ZC3H14: variants seen among roughly 807,000 people sequenced by gnomAD.
The protein encoded by ZC3H14 is zinc finger CCCH domain-containing protein 14.
ZC3H14 carries 31 observed loss-of-function variants against 92.4 expected under a neutral mutation model. That is an observed-to-expected ratio of 0.34 (90% CI 0.25 to 0.45). The LOEUF (loss-of-function observed/expected upper bound fraction) is 0.45, where lower values mean the gene tolerates loss of function less well. Among genes scored for constraint, ZC3H14 ranks in the 20% least tolerant of loss-of-function variants. The pLI is 1.00. For synonymous variants in ZC3H14, 321 were observed against 300.9 expected (o/e 1.07, Z -0.69); for missense variants, 781 against 897.3 (o/e 0.87, Z 1.66).
intron 3 of ZC3H14, among the ~76,000 whole-genome samples, chr14:88,569,726 C>T (rs1176014994): frequency 2.0e-5 from 3 of 152,200 alleles, no homozygotes; most frequent in Non-Finnish European, 4.4e-5. Context: ...TAAGTTCTTG[C>T]CTTTATACCA....
Position 88,620,763 on chromosome 14 carries a change from T to C in ZC3H14, c.*9012T>C. 6.3e-7 allele frequency: 1 copy of C among 1,590,590 alleles called. No individual in the cohort carries two copies. The highest frequency in any genetic ancestry group is 8.5e-7 in the Non-Finnish European group (1 of 1,172,488). On this transcript the variant is annotated 3_prime_UTR_variant, in exon 17 of 17. Transcript: ENST00000251038. This position sits in a 1 kb window ranked among gnomAD's most constrained non-coding sequence, Gnocchi z 4.3. ...CCATTTGTTCACTAACCTGATATCA[T>C]GGATTGCACATCTCCTGTCTCTCTT... is the stretch of plus-strand genomic sequence containing the variant.
At position 88,612,857 on chromosome 14, in the gene ZC3H14, C is replaced by G. The variant is rs1406716516; in HGVS notation, c.*1106C>G. 1.3e-5 allele frequency: 2 copies of G among 152,072 alleles called. No individual in the cohort carries two copies. The highest frequency in any genetic ancestry group is 2.9e-5 in the Non-Finnish European group (2 of 67,986). The allele number at this position is 152,072 out of a possible 1,614,324, so 9.4% of individuals were successfully genotyped here. Reference sequence around the variant, plus strand: ...AATGCTTTAGAGTTAAATAACAGATCACTGATTTCAAAGACTTGGTGTATA... The same window carrying G: ...AATGCTTTAGAGTTAAATAACAGATGACTGATTTCAAAGACTTGGTGTATA... On this transcript the variant is annotated 3_prime_UTR_variant, in exon 17 of 17. Coordinates refer to ENST00000251038, the MANE Select transcript of ZC3H14 (RefSeq NM_024824.5).
rs750889645 is a variant in ZC3H14 at position 88,616,808 on chromosome 14, A to G, written c.*5057A>G. On this transcript the variant is annotated 3_prime_UTR_variant, in exon 17 of 17. Coordinates refer to ENST00000251038, the MANE Select transcript of ZC3H14 (RefSeq NM_024824.5). ...AACAAGACTGATTCCTGAATGAGAT[A>G]CACAGGCACAGTTGACATCAGCTTT... 1 of 1,613,976 alleles carries G rather than the reference A, an allele frequency of 6.2e-7. No homozygotes were observed. Among genetic ancestry groups the G allele is most frequent in the Non-Finnish European group, 8.5e-7 (1 of 1,179,836 alleles).
intron 5 of ZC3H14, 98 bp from the exon 6 acceptor site, chr14:88,572,479 CA>C: frequency 6.9e-7 from 1 of 1,447,366 alleles, no homozygotes; most frequent in Non-Finnish European, 9.6e-7. Context: ...GGAGTATCCT[CA>C]GTTTTTTCAT....
chr14:88,591,032 A>G (rs1230477853), intron 9 of ZC3H14: 2 of 152,222 alleles, frequency 1.3e-5, no homozygotes, highest in Non-Finnish European at 2.9e-5. Context: ...AGTGATCTCC[A>G]TCATATTTTT....
rs1176777265 is a variant in ZC3H14, at chr14:88,616,872, C to G, written c.*5121C>G. ...GACCAGATTCCCAAAACCTCATCTC[C>G]TAGAATACTAGAGGGAAGGAACAAA... On this transcript the variant is annotated 3_prime_UTR_variant, in exon 17 of 17. Coordinates refer to ENST00000251038, the MANE Select transcript of ZC3H14 (RefSeq NM_024824.5). 1 of 1,613,594 alleles carries G rather than the reference C, an allele frequency of 6.2e-7. No homozygotes were observed. The highest frequency in any genetic ancestry group is 8.5e-7 in the Non-Finnish European group (1 of 1,179,722).
Position 88,618,471 on chromosome 14 carries a change from CTT to C in ZC3H14, c.*6721_*6722del, listed in dbSNP as rs1200710026. ...AGTATGCAAAAGATCACTACAAAAACTTAATAGGAGAAAAGCTCTGATAAGTG... is the reference window on the plus strand; with the variant it reads ...AGTATGCAAAAGATCACTACAAAAACAATAGGAGAAAAGCTCTGATAAGTG... On this transcript the variant is annotated 3_prime_UTR_variant, in exon 17 of 17. Transcript: ENST00000251038. 7 of 1,091,708 alleles carry C rather than the reference CTT, an allele frequency of 6.4e-6. No individual in the cohort carries two copies. In the East Asian group the frequency reaches 1.8e-4, roughly 28 times the overall value. 67.6% of individuals were successfully genotyped at this position (1,091,708 alleles called of 1,614,324 possible).
Position 88,626,371 on chromosome 14 carries a change from C to T in ZC3H14, c.*14620C>T. 6.3e-6 allele frequency: 1 copy of T among 158,800 alleles called. No individual in the cohort carries two copies. The highest frequency in any genetic ancestry group is 1.4e-5 in the Non-Finnish European group (1 of 71,558). The allele number at this position is 158,800 out of a possible 1,614,324, so 9.8% of individuals were successfully genotyped here. On this transcript the variant is annotated 3_prime_UTR_variant, in exon 17 of 17. Coordinates refer to ENST00000251038, the MANE Select transcript of ZC3H14 (RefSeq NM_024824.5). ...TTATGGTGGCTCATGCCTGTAAACC[C>T]AGCACTTTGGGAGGTCAAGATGGGA...
At chr14:88,585,748 A>T (rs1406420528) in intron 9 of ZC3H14, among the ~76,000 whole-genome samples, 1 of 152,312 alleles carries the variant, frequency 6.6e-6, no homozygotes, top group Non-Finnish European at 1.5e-5. Context: ...TTAATTTAGT[A>T]TTCTAAAAGT....
intron 9 of ZC3H14, among the ~76,000 whole-genome samples, chr14:88,584,857 A>G (rs1268996467): frequency 6.6e-6 from 1 of 152,116 alleles, no homozygotes; most frequent in African/African-American, 2.4e-5. Context: ...ACAAGAAACC[A>G]TTGCTCAGTA....
In ZC3H14 at chr14:88,622,578, C is replaced by G; in HGVS notation, c.*10827C>G. The stretch of plus-strand genomic sequence containing the variant: ...TAACCACTTTCTGTTTTCTGCTGCA[C>G]TGTATCAGCTCATGGAACATCTTAC... On this transcript the variant is annotated 3_prime_UTR_variant, in exon 17 of 17. Transcript: ENST00000251038. 1 of 1,531,580 alleles carries G rather than the reference C, an allele frequency of 6.5e-7. No homozygotes were observed. Among genetic ancestry groups the G allele is most frequent in the Non-Finnish European group, 8.8e-7 (1 of 1,132,254 alleles). The allele number at this position is 1,531,580 out of a possible 1,614,324, so 94.9% of individuals were successfully genotyped here. A position where few individuals can be genotyped will look rare whatever the true frequency, so the allele number is the denominator to read the frequency against.
Position 88,621,580 on chromosome 14 carries a change from T to C in ZC3H14, c.*9829T>C. 3 of 450,570 alleles carry C rather than the reference T, an allele frequency of 6.7e-6. No homozygotes were observed. The highest frequency in any genetic ancestry group is 7.9e-6 in the Non-Finnish European group (2 of 253,028). 27.9% of individuals were successfully genotyped at this position (450,570 alleles called of 1,614,324 possible). A position where few individuals can be genotyped will look rare whatever the true frequency, so the allele number is the denominator to read the frequency against. ...ATTCTTCAATAATCAAAGTTTTTAT[T>C]TGATAATCTTAGGATTTCCAAACTG... On this transcript the variant is annotated 3_prime_UTR_variant, in exon 17 of 17. Transcript: ENST00000251038.
At position 88,627,540 on chromosome 14, in the gene ZC3H14, G is replaced by C. The variant is rs138080489; in HGVS notation, c.*15789G>C. 2.7e-4 allele frequency: 316 copies of C among 1,178,128 alleles called. No individual in the cohort carries two copies. The highest frequency in any genetic ancestry group is 5.7e-4 in the Admixed American group (21 of 37,048). 73.0% of individuals were successfully genotyped at this position (1,178,128 alleles called of 1,614,324 possible). ...ACAGTATATTGCATAGGCCTCCACTGAATGATTGTTTCAACCACCAACTTT... is the reference window on the plus strand; with the variant it reads ...ACAGTATATTGCATAGGCCTCCACTCAATGATTGTTTCAACCACCAACTTT... On this transcript the variant is annotated 3_prime_UTR_variant, in exon 17 of 17. Transcript: ENST00000251038.
At chr14:88,594,449 C>T in intron 9 of ZC3H14, 1 of 1,257,822 alleles carries the variant, frequency 8.0e-7, no homozygotes, top group South Asian at 1.7e-5. Flanking sequence ...GATGTAGGGC[C>T]CTACGTATTA....
In ZC3H14 at chr14:88,625,369, C is replaced by T. The variant is rs1031435205; in HGVS notation, c.*13618C>T. The T allele has an allele frequency of 4.6e-6, 2 of 435,580 alleles. No homozygotes were observed. Among genetic ancestry groups the T allele is most frequent in the Non-Finnish European group, 8.1e-6 (2 of 246,676 alleles). The allele number at this position is 435,580 out of a possible 1,614,324, so 27.0% of individuals were successfully genotyped here. A position where few individuals can be genotyped will look rare whatever the true frequency, so the allele number is the denominator to read the frequency against. On this transcript the variant is annotated 3_prime_UTR_variant, in exon 17 of 17. Transcript: ENST00000251038. ...TAGAATAACCTTAGACAATTCTTCCCTTCCAATTCTAACATACTATAATTC... is the reference window on the plus strand; with the variant it reads ...TAGAATAACCTTAGACAATTCTTCCTTTCCAATTCTAACATACTATAATTC...
At chr14:88,593,711 A>G (rs1191063954) in intron 9 of ZC3H14, among the ~76,000 whole-genome samples, 1 of 152,220 alleles carries the variant, frequency 6.6e-6, no homozygotes, top group Non-Finnish European at 1.5e-5. Context: ...TTATGTCATA[A>G]ACAAAAATAA....
At chr14:88,597,791 T>A (rs1373007490) in intron 10 of ZC3H14, among the ~76,000 whole-genome samples, 1 of 152,226 alleles carries the variant, frequency 6.6e-6, no homozygotes, top group Non-Finnish European at 1.5e-5. Flanking sequence ...AGCCGAGATC[T>A]GTGTGTGGGA....
intron 3 of ZC3H14, among the ~76,000 whole-genome samples, chr14:88,568,646 G>T (rs1346108609): frequency 1.3e-5 from 2 of 152,128 alleles, no homozygotes; most frequent in Admixed American, 1.3e-4. Flanking sequence ...TTTGGGTGGG[G>T]ACACAGAGCC....
At chr14:88,609,442 T>C (rs368571060) in intron 14 of ZC3H14, 39 bp downstream of exon 14, 12 of 1,613,370 alleles carry the variant, frequency 7.4e-6, no homozygotes, top group South Asian at 1.1e-5. Context: ...GGGTAAAAAA[T>C]ATAAAATGGC....
Sources: allele counts gnomAD v4.1 joint callset (sites outside exome capture counted in the v4.1 genomes callset), GRCh38; gene constraint gnomAD v4.1.1; non-coding constraint Gnocchi (gnomAD v3.1); transcripts MANE v1.5; gene names NCBI Gene and HGNC (gene_info 2026-07-23, HGNC 2026-07-21).